Variants in PRKN observed in about 807,000 individuals in gnomAD.
PRKN encodes E3 ubiquitin-protein ligase parkin.
PRKN carries 56 observed loss-of-function variants against 59.5 expected under a neutral mutation model. That is an observed-to-expected ratio of 0.94 (90% CI 0.76 to 1.18). PRKN has a LOEUF of 1.18. PRKN is among the 50% of genes most tolerant of loss of function. The pLI is 0.00. For missense variants in PRKN, 657 were observed against 596.4 expected (o/e 1.10, Z -1.06); for synonymous variants, 250 against 222.1 (o/e 1.13, Z -1.12).
chr6:162,606,158 T>C (rs1231376857), intron 1 of PRKN, among the ~76,000 whole-genome samples: 1 of 152,194 alleles, frequency 6.6e-6, no homozygotes, highest in East Asian at 1.9e-4. Context: ...CACTCTATCA[T>C]CTTTTGCCTC....
At chr6:162,213,801 CCATACACACACA>C (rs1203957383) in intron 3 of PRKN, among the ~76,000 whole-genome samples, 11 of 67,388 alleles carry the variant, frequency 1.6e-4, no homozygotes, top group African/African-American at 4.5e-4. Context: ...CAAAAAAAAA[CCATACACACACA>C]CACACACACA....
intron 9 of PRKN, among the ~76,000 whole-genome samples, chr6:161,540,492 T>C (rs1211968094): frequency 6.6e-6 from 1 of 152,176 alleles, no homozygotes; most frequent in African/African-American, 2.4e-5. Flanking sequence ...CAAAAATACA[T>C]TTGAGGCAAA....
chr6:161,367,728 G>C (rs1785266750), intron 10 of PRKN, among the ~76,000 whole-genome samples: 1 of 152,178 alleles, frequency 6.6e-6, no homozygotes, highest in East Asian at 1.9e-4. Flanking sequence ...TAGAGGGAGG[G>C]GCGGCCGGCG....
rs564783517 is a variant in PRKN, at chr6:161,634,196, C to T, written c.872-64780G>A. 7.9e-5 allele frequency among the ~76,000 whole-genome samples: 12 copies of T among 152,222 alleles called. No individual in the cohort carries two copies. The South Asian group carries it at 2.5e-3, about 32-fold the overall frequency. On this transcript the variant is annotated intron_variant, in intron 7 of 11. Transcript: ENST00000366898. ...TGTTGTCAGAGACAGAAAGCACATC[C>T]CCTTGTCGGCCTGTAACCACAAGGT...
rs1583731013 is a variant in PRKN at position 162,527,689 on chromosome 6, G to C, written c.8-84216C>G. 2.6e-5 allele frequency among the ~76,000 whole-genome samples: 4 copies of C among 152,170 alleles called. No individual in the cohort carries two copies. In the South Asian group the frequency reaches 6.2e-4, roughly 24 times the overall value. ...AAATACTAACTTTAACAAAGGCTCA[G>C]TACATGTAGACATGGTCCATGTGTG... On this transcript the variant is annotated intron_variant, in intron 1 of 11. Coordinates refer to ENST00000366898, the MANE Select transcript of PRKN (RefSeq NM_004562.3).
intron 1 of PRKN, among the ~76,000 whole-genome samples, chr6:162,450,261 C>T (rs1266652359): frequency 6.6e-6 from 1 of 152,070 alleles, no homozygotes; most frequent in East Asian, 1.9e-4. Context: ...AATGTAAACG[C>T]CCCTATGACT....
intron 3 of PRKN, among the ~76,000 whole-genome samples, chr6:162,248,813 G>C (rs1049325509): frequency 6.6e-6 from 1 of 151,930 alleles, no homozygotes; most frequent in Non-Finnish European, 1.5e-5. Context: ...AATTTTTATG[G>C]ATATATGAAG....
chr6:161,985,854 C>G (rs1781416591), intron 5 of PRKN, among the ~76,000 whole-genome samples: 1 of 152,132 alleles, frequency 6.6e-6, no homozygotes, highest in East Asian at 1.9e-4. Flanking sequence ...ACTCTGGCCC[C>G]TTGCTTGTGG....
intron 1 of PRKN, among the ~76,000 whole-genome samples, chr6:162,606,863 T>C (rs553192186): frequency 5.3e-5 from 8 of 152,236 alleles, no homozygotes; most frequent in African/African-American, 2.4e-5. Flanking sequence ...ATTGCATATG[T>C]CATCACGGCT....
At chr6:161,671,578 T>C (rs1048692797) in intron 7 of PRKN, among the ~76,000 whole-genome samples, 4 of 152,202 alleles carry the variant, frequency 2.6e-5, no homozygotes, top group Non-Finnish European at 4.4e-5. Context: ...GTTCCTCCCC[T>C]GTTTGTAATT....
chr6:161,677,173 T>C (rs995801480), intron 7 of PRKN, among the ~76,000 whole-genome samples: 1 of 152,196 alleles, frequency 6.6e-6, no homozygotes, highest in Non-Finnish European at 1.5e-5. Flanking sequence ...AGGTGAGTTA[T>C]CCAGGAAACA....
intron 8 of PRKN, among the ~76,000 whole-genome samples, chr6:161,565,216 G>A (rs928132786): frequency 9.2e-5 from 14 of 152,094 alleles, no homozygotes; most frequent in African/African-American, 2.2e-4. Context: ...CATTTTGACC[G>A]CAAAACTTCA....
chr6:162,501,352 C>T (rs1583679325), intron 1 of PRKN, among the ~76,000 whole-genome samples: 3 of 139,672 alleles, frequency 2.1e-5, no homozygotes, highest in African/African-American at 2.6e-5. Context: ...CCCTTTTTTC[C>T]TTTTTTTTTT....
At chr6:161,875,537 T>C (rs1404383558) in intron 6 of PRKN, among the ~76,000 whole-genome samples, 1 of 152,006 alleles carries the variant, frequency 6.6e-6, no homozygotes, top group Non-Finnish European at 1.5e-5. Context: ...CTGCTGAAAC[T>C]ATGGAAAATG....
At chr6:162,161,940 G>A (rs9295183) in intron 4 of PRKN, among the ~76,000 whole-genome samples, 4 of 151,890 alleles carry the variant, frequency 2.6e-5, no homozygotes, top group South Asian at 2.1e-4. Context: ...TTTGTCATAG[G>A]TATGCATGTA....
At chr6:161,615,253 G>A (rs953385648) in intron 7 of PRKN, among the ~76,000 whole-genome samples, 3 of 151,986 alleles carry the variant, frequency 2.0e-5, no homozygotes, top group African/African-American at 7.3e-5. Context: ...CCTTTCTGCT[G>A]CCCCCTAACC....
intron 6 of PRKN, among the ~76,000 whole-genome samples, chr6:161,874,143 A>AATATAATATATATTATATGTAAT (rs1794497315): frequency 4.2e-5 from 2 of 47,394 alleles, no homozygotes; most frequent in East Asian, 1.3e-3. Flanking sequence ...TTATATGTAA[A>AATATAATATATATTATATGTAAT]ATATAATATA....
At chr6:162,402,944 T>C (rs950051719) in intron 2 of PRKN, among the ~76,000 whole-genome samples, 3 of 152,108 alleles carry the variant, frequency 2.0e-5, no homozygotes, top group African/African-American at 4.8e-5. Flanking sequence ...TGCCTGGCCC[T>C]GTCATGCATA....
chr6:162,390,468 G>C (rs935034551), intron 2 of PRKN, among the ~76,000 whole-genome samples: 6 of 149,756 alleles, frequency 4.0e-5, no homozygotes, highest in Non-Finnish European at 8.9e-5. Context: ...TTGAGACAGA[G>C]TCTCGTTCTG....
Sources: gnomAD v4.1 joint callset for allele counts (sites outside exome capture counted in the v4.1 genomes callset) on GRCh38, gnomAD v4.1.1 for gene constraint, MANE v1.5 for transcripts, NCBI Gene and HGNC (gene_info 2026-07-23, HGNC 2026-07-21) for gene names.